Variants in SGCZ observed in about 807,000 individuals in gnomAD.
SGCZ encodes zeta-sarcoglycan.
In SGCZ, 40 loss-of-function variants were observed where a neutral mutation model predicts 41.3. That is an observed-to-expected ratio of 0.97 (90% CI 0.75 to 1.26). The LOEUF (loss-of-function observed/expected upper bound fraction) is 1.26. Ranked by LOEUF, SGCZ falls within the 50% of genes most tolerant of loss-of-function variation. The pLI, the probability that SGCZ is intolerant of heterozygous loss-of-function variation, is 0.00. For synonymous variants in SGCZ, 206 were observed against 137.5 expected, an observed-to-expected ratio of 1.50 and a Z score of -3.49; for missense variants, 552 against 369.8, an observed-to-expected ratio of 1.49 and a Z score of -4.04.
intron 1 of SGCZ, among the ~76,000 whole-genome samples, chr8:15,100,787 G>A (rs1036485976): frequency 1.1e-4 from 16 of 151,990 alleles, no homozygotes; most frequent in Non-Finnish European, 1.9e-4. Context: ...ATTCAAGTCC[G>A]GCCTGGGCAA....
At chr8:14,876,861 G>C (rs1224373747) in intron 1 of SGCZ, among the ~76,000 whole-genome samples, 1 of 152,268 alleles carries the variant, frequency 6.6e-6, no homozygotes, top group Non-Finnish European at 1.5e-5. Context: ...CCACCTCTCT[G>C]TTTAGAGGTC....
chr8:14,321,570 T>A (rs1459393902), intron 3 of SGCZ, among the ~76,000 whole-genome samples: 1 of 152,126 alleles, frequency 6.6e-6, no homozygotes, highest in Non-Finnish European at 1.5e-5. Context: ...AAATTCTGTA[T>A]GTCAGAGTGA....
intron 1 of SGCZ, among the ~76,000 whole-genome samples, chr8:14,858,167 A>G (rs1158555576): frequency 6.6e-6 from 1 of 152,004 alleles, no homozygotes; most frequent in African/African-American, 2.4e-5. Flanking sequence ...AAAATTAGTG[A>G]AGACCCTAGA....
chr8:15,052,686 T>G (rs895905568), intron 1 of SGCZ, among the ~76,000 whole-genome samples: 1 of 152,158 alleles, frequency 6.6e-6, no homozygotes, highest in Non-Finnish European at 1.5e-5. Context: ...AAATTAAGAC[T>G]TTATGGACAC....
At chr8:15,117,079 A>G (rs1198526641) in intron 1 of SGCZ, among the ~76,000 whole-genome samples, 1 of 152,270 alleles carries the variant, frequency 6.6e-6, no homozygotes, top group East Asian at 1.9e-4. Context: ...ACTTATAAGT[A>G]TAAATGTACT....
intron 1 of SGCZ, among the ~76,000 whole-genome samples, chr8:15,103,164 G>A (rs1021092485): frequency 6.6e-6 from 1 of 152,118 alleles, no homozygotes. Context: ...ACTTTGGGAG[G>A]CCAAGGCAGA....
chr8:14,176,560 C>T (rs148481366), intron 4 of SGCZ, among the ~76,000 whole-genome samples: 174 of 152,058 alleles, frequency 1.1e-3, no homozygotes, highest in African/African-American at 4.0e-3. Flanking sequence ...ATTAATAGTC[C>T]AACATTTAAG....
chr8:14,414,960 CTT>C (rs766258978), intron 2 of SGCZ, among the ~76,000 whole-genome samples: 32 of 152,002 alleles, frequency 2.1e-4, no homozygotes, highest in South Asian at 1.5e-3. Context: ...AAGAAAATCA[CTT>C]TTATTCATTT....
chr8:14,187,144 C>T (rs933393426), intron 4 of SGCZ, among the ~76,000 whole-genome samples: 94 of 152,052 alleles, frequency 6.2e-4, no homozygotes, highest in African/African-American at 2.2e-3. Flanking sequence ...AGGGAAGAGG[C>T]AAAGGATAAA....
chr8:15,041,960 C>A (rs1208843867), intron 1 of SGCZ, among the ~76,000 whole-genome samples: 1 of 152,084 alleles, frequency 6.6e-6, no homozygotes, highest in Non-Finnish European at 1.5e-5. Context: ...CAACACAACG[C>A]TGTACATAAG....
chr8:14,920,036 T>C (rs528373179), intron 1 of SGCZ, among the ~76,000 whole-genome samples: 1 of 152,326 alleles, frequency 6.6e-6, no homozygotes, highest in East Asian at 1.9e-4. Context: ...ATATTTCTAC[T>C]TCTAAAAATA....
In SGCZ at chr8:15,221,866, T is replaced by C. The variant is rs113236596; in HGVS notation, c.39+15719A>G. 1.2e-3 allele frequency among the ~76,000 whole-genome samples: 190 copies of C among 152,166 alleles called. 1 individual carries two copies. Among genetic ancestry groups the C allele is most frequent in the Admixed American group, 2.0e-3 (30 of 15,270 alleles). On this transcript the variant is annotated intron_variant, in intron 1 of 7. Transcript: ENST00000382080. ...GAAGTTACCAGGAGTTGCTCAGTAC[T>C]TCAAAAAATACCATGTCACCATGTG...
At chr8:14,973,683 G>C (rs1055137806) in intron 1 of SGCZ, among the ~76,000 whole-genome samples, 14 of 152,238 alleles carry the variant, frequency 9.2e-5, no homozygotes, top group African/African-American at 3.1e-4. Flanking sequence ...TAAGCTCTAG[G>C]ATCTTCTACT....
At chr8:14,389,464 C>T (rs188829549) in intron 2 of SGCZ, among the ~76,000 whole-genome samples, 1 of 147,908 alleles carries the variant, frequency 6.8e-6, no homozygotes, top group East Asian at 2.0e-4. Flanking sequence ...AAATCACAAA[C>T]TAACCTGACA....
intron 1 of SGCZ, among the ~76,000 whole-genome samples, chr8:14,882,238 AT>A (rs1052543437): frequency 4.6e-5 from 7 of 152,102 alleles, no homozygotes; most frequent in African/African-American, 1.7e-4. Context: ...TGCTCACAAC[AT>A]TTTCAGAAGC....
chr8:14,664,558 T>G (rs541967846), intron 1 of SGCZ, among the ~76,000 whole-genome samples: 2 of 152,222 alleles, frequency 1.3e-5, no homozygotes, highest in South Asian at 4.1e-4. Context: ...ACATCATACT[T>G]TAAGGAGGAC....
At chr8:14,102,104 AAT>A (rs1491143597) in intron 7 of SGCZ, among the ~76,000 whole-genome samples, 21,458 of 74,434 alleles carry the variant, frequency 0.29, 1,920 homozygotes, top group East Asian at 0.57. Context: ...ATATATATAT[AAT>A]TTTTTTTTTT....
chr8:14,849,120 C>T (rs1803231686), intron 1 of SGCZ, among the ~76,000 whole-genome samples: 1 of 152,072 alleles, frequency 6.6e-6, no homozygotes, highest in Non-Finnish European at 1.5e-5. Context: ...TTTAAAATCA[C>T]AATTAGGTAC....
intron 3 of SGCZ, among the ~76,000 whole-genome samples, chr8:14,290,401 C>G (rs899179925): frequency 6.6e-6 from 1 of 151,982 alleles, no homozygotes; most frequent in Admixed American, 6.6e-5. Flanking sequence ...AAAGAGAAAA[C>G]CTACAGAATA....
Sources: allele counts gnomAD v4.1 joint callset (sites outside exome capture counted in the v4.1 genomes callset), GRCh38; gene constraint gnomAD v4.1.1; transcripts MANE v1.5; gene names NCBI Gene and HGNC (gene_info 2026-07-23, HGNC 2026-07-21).